Variants in CACNB2 observed in about 807,000 individuals in gnomAD.
The protein encoded by CACNB2 is voltage-dependent L-type calcium channel subunit beta-2.
Under a neutral mutation model 73.3 loss-of-function variants are expected in CACNB2, and 42 were observed. The ratio of observed to expected loss-of-function variants is 0.57; its 90% CI spans 0.45 to 0.74. The LOEUF is 0.74. Ranked by LOEUF, CACNB2 falls within the 30% of genes least tolerant of loss-of-function variation. CACNB2 has a pLI of 0.00. For missense variants in CACNB2, 940 were observed against 853.0 expected (o/e 1.10, Z -1.27); for synonymous variants, 348 against 310.3 (o/e 1.12, Z -1.28).
At chr10:18,249,509 C>T (rs969827691) in intron 2 of CACNB2, among the ~76,000 whole-genome samples, 4 of 152,214 alleles carry the variant, frequency 2.6e-5, no homozygotes, top group Non-Finnish European at 4.4e-5. Flanking sequence ...TTGTTCACCT[C>T]GCTCTCTTTA....
chr10:18,479,270 C>G (rs1055679526), intron 3 of CACNB2, among the ~76,000 whole-genome samples: 1 of 152,038 alleles, frequency 6.6e-6, no homozygotes, highest in Non-Finnish European at 1.5e-5. Context: ...TCCTGACACC[C>G]ATTCCCTGAA....
At chr10:18,529,884 C>G (rs570688131) in intron 10 of CACNB2, among the ~76,000 whole-genome samples, 3 of 152,076 alleles carry the variant, frequency 2.0e-5, no homozygotes, top group African/African-American at 7.2e-5. Flanking sequence ...AAAGACATAC[C>G]CAAGACTGGG....
At chr10:18,229,870 T>C (rs1481431973) in intron 2 of CACNB2, among the ~76,000 whole-genome samples, 2 of 152,228 alleles carry the variant, frequency 1.3e-5, no homozygotes, top group Non-Finnish European at 2.9e-5. Flanking sequence ...AAATTACATA[T>C]GGCATTACTC....
chr10:18,506,497 G>C lies in CACNB2; in HGVS notation c.620G>C (p.Ser207Thr). The change falls in exon 6 of 14, where the codon AGT (serine) becomes ACT (threonine). Residue 207 changes from serine to threonine, a missense_variant. Coordinates refer to ENST00000324631, the MANE Select transcript of CACNB2 (RefSeq NM_201596.3). ...SSKSGGNSSS[S>T]LGDIVPSSRK... ...AAATCAGGAGGAAATTCATCATCCA[G>C]TTTGGGTGACATAGTACCTAGTTCC... is the stretch of plus-strand genomic sequence containing the variant. 1 of 1,612,014 alleles carries C rather than the reference G, an allele frequency of 6.2e-7. No individual in the cohort carries two copies. The highest frequency in any genetic ancestry group is 8.5e-7 in the Non-Finnish European group (1 of 1,178,212).
chr10:18,334,185 G>C (rs1411652247), intron 2 of CACNB2, among the ~76,000 whole-genome samples: 2 of 152,170 alleles, frequency 1.3e-5, no homozygotes, highest in African/African-American at 4.8e-5. Flanking sequence ...AGTGACGGGA[G>C]CAGGGGATGG....
chr10:18,299,097 A>AG (rs2039402021), intron 2 of CACNB2, among the ~76,000 whole-genome samples: 3 of 150,404 alleles, frequency 2.0e-5, no homozygotes, highest in African/African-American at 7.3e-5. Flanking sequence ...ATAAAAGAAA[A>AG]AATAAAAAGA....
chr10:18,522,436 T>C (rs2051992539), intron 9 of CACNB2, among the ~76,000 whole-genome samples: 1 of 152,154 alleles, frequency 6.6e-6, no homozygotes. Flanking sequence ...ATAGTATTTG[T>C]TGGTTTCAGG....
chr10:18,320,850 G>GTCTT (rs2040373338), intron 2 of CACNB2, among the ~76,000 whole-genome samples: 1 of 152,058 alleles, frequency 6.6e-6, no homozygotes, highest in Non-Finnish European at 1.5e-5. Context: ...GCACATTTTG[G>GTCTT]ATGCTCTCAA....
intron 3 of CACNB2, among the ~76,000 whole-genome samples, chr10:18,459,114 A>G (rs764926645): frequency 6.6e-5 from 10 of 152,116 alleles, no homozygotes; most frequent in Admixed American, 2.6e-4. Flanking sequence ...GCTCCTGTTG[A>G]TAGCTCAACA....
At chr10:18,437,886 A>C (rs1016370235) in intron 3 of CACNB2, among the ~76,000 whole-genome samples, 1 of 152,118 alleles carries the variant, frequency 6.6e-6, no homozygotes, top group Non-Finnish European at 1.5e-5. Context: ...AGGCAAATTG[A>C]CATAGAACAT....
rs528849474 is a variant in CACNB2 at position 18,287,237 on chromosome 10, G to T, written c.214-114687G>T. On this transcript the variant is annotated intron_variant, in intron 2 of 13. Transcript: ENST00000324631. ...CCAGCTACTCAGGAGGCTGAGGCAC[G>T]AGAATCACTTAAATATGGGAGGCAG... 3.9e-5 allele frequency among the ~76,000 whole-genome samples: 6 copies of T among 152,188 alleles called. No homozygotes were observed. In the East Asian group the frequency reaches 7.8e-4, roughly 20 times the overall value.
intron 2 of CACNB2, among the ~76,000 whole-genome samples, chr10:18,296,972 G>C (rs2039305496): frequency 6.6e-6 from 1 of 152,188 alleles, no homozygotes. Context: ...TTTTCCTGTA[G>C]GAGTATTTTT....
intron 2 of CACNB2, among the ~76,000 whole-genome samples, chr10:18,283,870 A>G (rs1012930776): frequency 1.3e-5 from 2 of 152,232 alleles, no homozygotes; most frequent in Non-Finnish European, 2.9e-5. Flanking sequence ...AAGATGGACT[A>G]GTAGATATAG....
chr10:18,347,312 G>C (rs2041500767), intron 2 of CACNB2, among the ~76,000 whole-genome samples: 1 of 150,368 alleles, frequency 6.7e-6, no homozygotes, highest in Non-Finnish European at 1.5e-5. Context: ...TGAGTAGCTG[G>C]GACTACAGGC....
intron 2 of CACNB2, among the ~76,000 whole-genome samples, chr10:18,351,628 A>G (rs1452253771): frequency 6.6e-6 from 1 of 152,232 alleles, no homozygotes; most frequent in Non-Finnish European, 1.5e-5. Flanking sequence ...GCCGAGAGAA[A>G]TAATTTCCAA....
At chr10:18,306,290 C>T (rs140594242) in intron 2 of CACNB2, among the ~76,000 whole-genome samples, 79 of 152,014 alleles carry the variant, frequency 5.2e-4, no homozygotes, top group African/African-American at 1.8e-3. Context: ...GTTGAGGGAA[C>T]GTGTAGGTAT....
At chr10:18,481,911 C>G (rs1456438200) in intron 3 of CACNB2, among the ~76,000 whole-genome samples, 1 of 152,074 alleles carries the variant, frequency 6.6e-6, no homozygotes, top group African/African-American at 2.4e-5. Flanking sequence ...AGACAGAGTT[C>G]TGTTGTGTTG....
chr10:18,357,608 T>C (rs2041974805), intron 2 of CACNB2, among the ~76,000 whole-genome samples: 1 of 152,176 alleles, frequency 6.6e-6, no homozygotes, highest in African/African-American at 2.4e-5. Context: ...TTCTGGAAAA[T>C]TCAGTATATT....
At chr10:18,376,042 C>A (rs997065812) in intron 2 of CACNB2, among the ~76,000 whole-genome samples, 1 of 152,198 alleles carries the variant, frequency 6.6e-6, no homozygotes. Context: ...TATTTGCACT[C>A]CCATGTTTAT....
Sources: gnomAD v4.1 joint callset for allele counts (sites outside exome capture counted in the v4.1 genomes callset) on GRCh38, gnomAD v4.1.1 for gene constraint, MANE v1.5 for transcripts, NCBI Gene and HGNC (gene_info 2026-07-23, HGNC 2026-07-21) for gene names.